The following AMOT variants were observed in gnomAD, a reference collection of about 807,000 sequenced individuals.
AMOT encodes angiomotin.
A neutral mutation model predicts 67.0 loss-of-function variants in AMOT; 11 were observed. That is an observed-to-expected ratio of 0.16 (90% CI 0.10 to 0.27). The LOEUF is 0.27. Ranked by LOEUF, AMOT falls within the 10% of genes least tolerant of loss-of-function variation. AMOT has a pLI of 1.00. For synonymous variants in AMOT, 326 were observed against 321.4 expected, an observed-to-expected ratio of 1.01 and a Z score of -0.15; for missense variants, 753 against 852.0, an observed-to-expected ratio of 0.88 and a Z score of 1.45.
intron 2 of AMOT, among the ~76,000 whole-genome samples, chrX:112,828,356 C>T: frequency 9.6e-6 from 1 of 103,857 alleles, no homozygotes. Context: ...ATTTCATCAT[C>T]TGCAAAATAG....
Position 112,815,675 on chromosome X carries a change from T to C in AMOT, c.1075A>G (p.Asn359Asp), listed in dbSNP as rs761078390. 31 of 1,173,587 alleles carry C rather than the reference T, an allele frequency of 2.6e-5. No homozygotes were observed. ...LPRPQQHFLP[N>D]QAHQGDHYRL... ...TAATGATCCCCCTGGTGAGCCTGAT[T>C]AGGAAGGAAATGCTGCTGCGGCCTA... The change falls in exon 5 of 14, where the codon AAT becomes GAT. Residue 359 changes from asparagine (N) to aspartate (D), a missense_variant. Transcript: ENST00000371959.
chrX:112,783,241 G>A (rs1423120782), intron 10 of AMOT, among the ~76,000 whole-genome samples: 1 of 107,075 alleles, frequency 9.3e-6, no homozygotes, highest in East Asian at 2.9e-4. Context: ...GTTGTTGTGA[G>A]GTGAGATCGA....
intron 2 of AMOT, among the ~76,000 whole-genome samples, chrX:112,831,584 CAT>C (rs1934989589): frequency 9.0e-6 from 1 of 110,874 alleles, no homozygotes; most frequent in East Asian, 2.8e-4. Flanking sequence ...TCCGGCAACA[CAT>C]AGGGCTCTGC....
chrX:112,837,035 A>AT lies in AMOT; in HGVS notation c.-289+3416_-289+3417insA, dbSNP rs760315871. On this transcript the variant is annotated intron_variant, in intron 1 of 13. Coordinates refer to ENST00000371959, the MANE Select transcript of AMOT (RefSeq NM_001113490.2). The stretch of plus-strand genomic sequence containing the variant: ...GGCATCAGTCGCCATTATTTACTAG[A>AT]AATAACTTTCTGGATCCCTGGGTTA... Among the ~76,000 whole-genome samples the AT allele has an allele frequency of 3.7e-3, 416 of 111,690 alleles. 1 individual carries two copies. Among genetic ancestry groups the AT allele is most frequent in the Middle Eastern group, 0.014 (3 of 216 alleles).
intron 7 of AMOT, among the ~76,000 whole-genome samples, chrX:112,807,504 T>A (rs1569399190): frequency 9.7e-6 from 1 of 102,900 alleles, no homozygotes; most frequent in Non-Finnish European, 2.0e-5. Flanking sequence ...ATTAACAGAC[T>A]GGGAATTTAA....
chrX:112,840,208 C>T (rs1935257577), intron 1 of AMOT, among the ~76,000 whole-genome samples: 1 of 111,334 alleles, frequency 9.0e-6, no homozygotes, highest in Admixed American at 9.5e-5. Flanking sequence ...GTAAAAGTAC[C>T]ATCTAGTAGT....
At position 112,791,971 on chromosome X, in the gene AMOT, T is replaced by C; in HGVS notation, c.1787A>G (p.Lys596Arg). The change falls in exon 9 of 14, where the codon AAG (lysine) becomes AGG (arginine). Residue 596 changes from lysine to arginine, a missense_variant. Around this residue, in one of 5 missense-constraint regions of AMOT, gnomAD observed 66 missense variants for 112.9 expected, o/e 0.58. Transcript: ENST00000371959. Reference protein sequence around the residue: ...VVKLEEELKKKQVYVDKVEKM... With the variant: ...VVKLEEELKKRQVYVDKVEKM... Reference sequence around the variant, plus strand: ...CTCCACCTTGTCAACGTACACTTGCTTCTTTTTCAGCTGGAAATCCATGTT... The same window carrying C: ...CTCCACCTTGTCAACGTACACTTGCCTCTTTTTCAGCTGGAAATCCATGTT... 4.1e-6 allele frequency: 5 copies of C among 1,211,084 alleles called. No individual in the cohort carries two copies. The highest frequency in any genetic ancestry group is 5.6e-6 in the Non-Finnish European group (5 of 895,032).
At chrX:112,816,491 C>T (rs866353635) in intron 4 of AMOT, among the ~76,000 whole-genome samples, 4 of 111,874 alleles carry the variant, frequency 3.6e-5, no homozygotes, top group Non-Finnish European at 5.6e-5. Flanking sequence ...CAGTTGTTAA[C>T]GATTTAATGA....
rs949567505 is a variant in AMOT, at chrX:112,805,014, C to T, written c.1709G>A (p.Arg570Gln). 15 of 1,207,064 alleles carry T rather than the reference C, an allele frequency of 1.2e-5. No homozygotes were observed. Among genetic ancestry groups the T allele is most frequent in the East Asian group, 3.0e-5 (1 of 33,556 alleles). ...GGCCTGATCTCGGATTTCGATGTGT[C>T]GTCTTTGGTCCTCATTGGTAGAACG... ...TARSTNEDQR[R>Q]HIEIRDQALS... is the part of the protein sequence containing the mutation. Residue 570 changes from arginine to glutamine, a missense_variant, in exon 8 of 14, where the codon CGA becomes CAA. Transcript: ENST00000371959.
intron 7 of AMOT, among the ~76,000 whole-genome samples, chrX:112,807,832 A>G (rs1934239619): frequency 8.9e-6 from 1 of 112,361 alleles, no homozygotes; most frequent in Non-Finnish European, 1.9e-5. Context: ...TTTCATTGTG[A>G]TACAACAGAT....
At chrX:112,831,488 T>TAAAA (rs1556248501) in intron 2 of AMOT, among the ~76,000 whole-genome samples, 1,279 of 103,134 alleles carry the variant, frequency 0.012, 9 homozygotes, top group Non-Finnish European at 0.018. Context: ...AATAAATAAA[T>TAAAA]AAAAAGAGAG....
chrX:112,821,052 G>A (rs1934702664), intron 4 of AMOT, among the ~76,000 whole-genome samples: 1 of 109,631 alleles, frequency 9.1e-6, no homozygotes, highest in Non-Finnish European at 1.9e-5. Flanking sequence ...GGAAAAAAAA[G>A]AAATACCAGG....
At position 112,815,577 on chromosome X, in the gene AMOT, G is replaced by C. The variant is rs781022452; in HGVS notation, c.1173C>G (p.His391Gln). Residue 391 changes from histidine (H) to glutamine (Q), a missense_variant, in exon 5 of 14, where the codon CAC becomes CAG. Around this residue, in one of 5 missense-constraint regions of AMOT, gnomAD observed 297 missense variants for 284.3 expected, o/e 1.04. Coordinates refer to ENST00000371959, the MANE Select transcript of AMOT (RefSeq NM_001113490.2). ...GTGGCTGCTGCTGCTGCTGTTGTTGGTGGTGATGGTGATGATGGTGCTGCT... is the reference window on the plus strand; with the variant it reads ...GTGGCTGCTGCTGCTGCTGTTGTTGCTGGTGATGGTGATGATGGTGCTGCT... Reference protein sequence around the residue: ...QQQQHHHHHHHQQQQQQQPQQ... With the variant: ...QQQQHHHHHHQQQQQQQQPQQ... 2.8e-5 allele frequency: 34 copies of C among 1,208,279 alleles called. No homozygotes were observed. The highest frequency in any genetic ancestry group is 4.4e-5 in the Admixed American group (2 of 45,603).
rs1163687900 is a variant in AMOT, at chrX:112,825,212, C to G, written c.-203G>C. On this transcript the variant is annotated 5_prime_UTR_variant, in exon 3 of 14. Transcript: ENST00000371959. ...GTAAGCGCCGCCAAGAGTCCAACCA[C>G]TGGTCACTCTGAAATGTTCAGGAGA... 9.0e-6 allele frequency: 1 copy of G among 111,728 alleles called. No homozygotes were observed. The highest frequency in any genetic ancestry group is 3.3e-5 in the African/African-American group (1 of 30,686). 9.2% of individuals were successfully genotyped at this position (111,728 alleles called of 1,213,427 possible).
intron 4 of AMOT, among the ~76,000 whole-genome samples, chrX:112,818,608 C>T (rs762403576): frequency 1.8e-5 from 2 of 111,685 alleles, no homozygotes; most frequent in African/African-American, 6.5e-5. Flanking sequence ...AGCATCCACC[C>T]ACCAGGGGAA....
rs1048110616 is a variant in AMOT at position 112,815,688 on chromosome X, C to G, written c.1062G>C (p.Gln354His). The change falls in exon 5 of 14, where the codon CAG becomes CAC. Residue 354 changes from glutamine (Q) to histidine (H), a missense_variant. Physicochemically the swap from Gln to His is conservative, Grantham distance 24. Around this residue, in one of 5 missense-constraint regions of AMOT, gnomAD observed 297 missense variants for 284.3 expected, o/e 1.04. Transcript: ENST00000371959. Reference protein sequence around the residue: ...DHSAHLPRPQQHFLPNQAHQG... With the variant: ...DHSAHLPRPQHHFLPNQAHQG... ...GGTGAGCCTGATTAGGAAGGAAATG[C>G]TGCTGCGGCCTAGGCAGGTGAGCTG... is the stretch of plus-strand genomic sequence containing the variant. The G allele has an allele frequency of 1.2e-5, 14 of 1,168,482 alleles. No individual in the cohort carries two copies. Among genetic ancestry groups the G allele is most frequent in the Middle Eastern group, 2.3e-4 (1 of 4,333 alleles).
chrX:112,788,149 C>T (rs111523418), intron 10 of AMOT, among the ~76,000 whole-genome samples: 10 of 110,047 alleles, frequency 9.1e-5, no homozygotes, highest in Non-Finnish European at 1.9e-4. Context: ...ATTAGCCAGG[C>T]GTGGTGGCAC....
rs188158550 is a variant in AMOT, at chrX:112,790,447, C to T, written c.2117+145G>A. 8.7e-5 allele frequency: 54 copies of T among 618,468 alleles called. No homozygotes were observed. The East Asian group carries it at 1.8e-3, about 21-fold the overall frequency. 51.0% of individuals were successfully genotyped at this position (618,468 alleles called of 1,213,427 possible). ...CTCTGTCTCTACAGCCGTTCATTCC[C>T]TGCATAATCAGATGAAAGAAAACAC... On this transcript the variant is annotated intron_variant, in intron 10 of 13. Coordinates refer to ENST00000371959, the MANE Select transcript of AMOT (RefSeq NM_001113490.2).
intron 4 of AMOT, chrX:112,819,524 GTGGC>G (rs1382070953): frequency 5.6e-6 from 2 of 357,846 alleles, no homozygotes; most frequent in Non-Finnish European, 7.2e-6. Flanking sequence ...TTGAAAGGAG[GTGGC>G]TGCTTTATAA....
Sources: gnomAD v4.1 joint callset for allele counts (sites outside exome capture counted in the v4.1 genomes callset) on GRCh38, gnomAD v4.1.1 for gene constraint, gnomAD v4.1.1 regional missense constraint, MANE v1.5 for transcripts, NCBI Gene and HGNC (gene_info 2026-07-23, HGNC 2026-07-21) for gene names.